Variants in FOCAD observed in about 807,000 individuals in gnomAD.
The protein encoded by FOCAD is KIAA1797.
FOCAD carries 198 observed loss-of-function variants against 225.6 expected under a neutral mutation model. That is an observed-to-expected ratio of 0.88 (90% CI 0.78 to 0.99). The LOEUF is 0.99. Ranked by LOEUF, FOCAD falls within the 50% of genes least tolerant of loss-of-function variation. The pLI is 0.00. For synonymous variants in FOCAD, 897 were observed against 755.0 expected (o/e 1.19, Z -3.08); for missense variants, 2,713 against 2,123.6 (o/e 1.28, Z -5.46).
At chr9:20,966,456 C>G (rs1839262972) in intron 35 of FOCAD, among the ~76,000 whole-genome samples, 1 of 151,960 alleles carries the variant, frequency 6.6e-6, no homozygotes, top group Non-Finnish European at 1.5e-5. Context: ...GCAAATTCTG[C>G]CATTCTATAG....
Position 20,948,401 on chromosome 9 carries a change from T to C in FOCAD, c.3798+8T>C. On this transcript the variant is annotated splice_region_variant and intron_variant, in intron 31 of 43. Transcript: ENST00000338382. ...AGAATTGTTCTAACAGAGGTAGAGG[T>C]CACCTGTTGTATGCTATTTCATATT... The C allele has an allele frequency of 6.2e-7, 1 of 1,607,892 alleles. No individual in the cohort carries two copies.
At chr9:20,785,947 C>A (rs1223875057) in intron 10 of FOCAD, among the ~76,000 whole-genome samples, 1 of 152,088 alleles carries the variant, frequency 6.6e-6, no homozygotes, top group African/African-American at 2.4e-5. Context: ...ATGGTTACAT[C>A]CTAGTAGGTG....
Position 20,993,262 on chromosome 9 carries a change from T to G in FOCAD, c.5266T>G (p.Trp1756Gly). The change falls in exon 43 of 44, where the codon TGG (tryptophan) becomes GGG (glycine). Residue 1756 changes from tryptophan (W) to glycine (G), a missense_variant. Coordinates refer to ENST00000338382, the MANE Select transcript of FOCAD (RefSeq NM_001375567.1). ...WKEQTQKFID[W>G]LFSIMESPKE... is the part of the protein sequence containing the mutation. ...TTCATTTTTACCCTAGTTCATTGAC[T>G]GGCTATTCAGCATCATGGAAAGCCC... 6.2e-7 allele frequency: 1 copy of G among 1,613,720 alleles called. No homozygotes were observed. The highest frequency in any genetic ancestry group is 8.5e-7 in the Non-Finnish European group (1 of 1,179,640).
intron 15 of FOCAD, among the ~76,000 whole-genome samples, chr9:20,852,561 C>G (rs1827772525): frequency 6.6e-6 from 1 of 151,746 alleles, no homozygotes; most frequent in Admixed American, 6.6e-5. Flanking sequence ...CTTAGAAATG[C>G]ATTCGTGGAA....
chr9:20,768,073 T>G (rs968303363), intron 7 of FOCAD, among the ~76,000 whole-genome samples: 21 of 150,396 alleles, frequency 1.4e-4, no homozygotes, highest in Admixed American at 4.0e-4. Context: ...CACCATTTAT[T>G]AAATAGGGAA....
chr9:20,981,384 G>C (rs1446249780), intron 37 of FOCAD, 42 bp from the exon 38 acceptor site: 1 of 1,601,036 alleles, frequency 6.2e-7, no homozygotes, highest in Non-Finnish European at 8.5e-7. Context: ...TGCAAACCCA[G>C]ACTTGCCTAT....
At chr9:20,739,555 A>T (rs1827432883) in intron 4 of FOCAD, among the ~76,000 whole-genome samples, 2 of 152,040 alleles carry the variant, frequency 1.3e-5, no homozygotes, top group Non-Finnish European at 1.5e-5. Context: ...GTGAGCCGAG[A>T]TCGTGCCATT....
At chr9:20,906,145 G>T (rs944974815) in intron 21 of FOCAD, among the ~76,000 whole-genome samples, 1 of 151,810 alleles carries the variant, frequency 6.6e-6, no homozygotes, top group African/African-American at 2.4e-5. Flanking sequence ...CTAAGACTGG[G>T]ATTAAAGAAC....
At chr9:20,949,106 CTA>C (rs1040935749) in intron 32 of FOCAD, among the ~76,000 whole-genome samples, 178 bp downstream of exon 32, 23 of 152,088 alleles carry the variant, frequency 1.5e-4, no homozygotes, top group African/African-American at 4.6e-4. Context: ...AGGATTATTT[CTA>C]TAGAGGTTTG....
At chr9:20,686,479 C>G in intron 1 of FOCAD, among the ~76,000 whole-genome samples, 1 of 152,126 alleles carries the variant, frequency 6.6e-6, no homozygotes, top group East Asian at 1.9e-4. Flanking sequence ...AATTCAAGAG[C>G]TGAGGACATT....
intron 21 of FOCAD, 133 bp from the exon 22 acceptor site, chr9:20,907,017 G>T: frequency 1.5e-6 from 1 of 649,420 alleles, no homozygotes; most frequent in Non-Finnish European, 2.7e-6. Flanking sequence ...TTGTGGTTCT[G>T]ATCCTAGACT....
At chr9:20,791,696 T>C (rs6475474) in intron 11 of FOCAD, among the ~76,000 whole-genome samples, 58,975 of 151,896 alleles carry the variant, frequency 0.39, 11,723 homozygotes, top group East Asian at 0.5. Flanking sequence ...TGTGTTTACA[T>C]TGGACTAACC....
intron 1 of FOCAD, among the ~76,000 whole-genome samples, chr9:20,706,529 A>C (rs374590246): frequency 6.6e-6 from 1 of 152,314 alleles, no homozygotes; most frequent in African/African-American, 2.4e-5. Context: ...GGAATTGTGC[A>C]GGTCATGCCT....
chr9:20,815,137 G>GTTTTTTTTTTTTTTTTTTTTTTTTT (rs71334555), intron 11 of FOCAD, among the ~76,000 whole-genome samples: 13 of 69,146 alleles, frequency 1.9e-4, no homozygotes, highest in African/African-American at 2.4e-4. Flanking sequence ...TTTTTTTTTT[G>GTTTTTTTTTTTTTTTTTTTTTTTTT]TTTTTTTTTT....
chr9:20,750,275 G>A lies in FOCAD; in HGVS notation c.393-7815G>A, dbSNP rs569873960. On this transcript the variant is annotated intron_variant, in intron 5 of 43. Coordinates refer to ENST00000338382, the MANE Select transcript of FOCAD (RefSeq NM_001375567.1). Reference sequence around the variant, plus strand: ...TACGTTTATTGTAGATAGGCATTTGGCACTGAAAGGGAAACAAAAAGATTA... The same window carrying A: ...TACGTTTATTGTAGATAGGCATTTGACACTGAAAGGGAAACAAAAAGATTA... Among the ~76,000 whole-genome samples the A allele has an allele frequency of 1.4e-3, 213 of 152,224 alleles. 1 individual carries two copies. Among genetic ancestry groups the A allele is most frequent in the African/African-American group, 4.9e-3 (202 of 41,544 alleles).
Position 20,770,060 on chromosome 9 carries a change from C to G in FOCAD, c.728C>G (p.Ala243Gly). 11 of 1,613,876 alleles carry G rather than the reference C, an allele frequency of 6.8e-6. No homozygotes were observed. The highest frequency in any genetic ancestry group is 7.6e-6 in the Non-Finnish European group (9 of 1,179,906). ...QVKDLIQTTE[A>G]MMFIEEVCLS... The stretch of plus-strand genomic sequence containing the variant: ...AAAGATTTGATACAGACAACAGAGG[C>G]GATGATGTTTATTGAGGAAGTATGT... Residue 243 changes from alanine to glycine, a missense_variant, in exon 8 of 44, where the codon GCG (alanine) becomes GGG (glycine). Physicochemically the swap from Ala to Gly is moderately conservative, Grantham distance 60. Coordinates refer to ENST00000338382, the MANE Select transcript of FOCAD (RefSeq NM_001375567.1).
chr9:20,887,470 G>A (rs1831198103), intron 21 of FOCAD, among the ~76,000 whole-genome samples: 1 of 151,992 alleles, frequency 6.6e-6, no homozygotes, highest in Non-Finnish European at 1.5e-5. Context: ...CCTGACCTCA[G>A]GTGATCCACT....
intron 15 of FOCAD, among the ~76,000 whole-genome samples, chr9:20,859,124 C>A (rs762217814): frequency 1.3e-5 from 2 of 152,086 alleles, no homozygotes; most frequent in African/African-American, 4.8e-5. Flanking sequence ...CCTGTAATCC[C>A]AGCACTTCGG....
intron 24 of FOCAD, among the ~76,000 whole-genome samples, chr9:20,919,771 GA>G (rs555198146): frequency 0.013 from 1,923 of 152,238 alleles, 35 homozygotes; most frequent in African/African-American, 0.044. Flanking sequence ...GTAGAAAGCT[GA>G]AACTGGATCC....
Sources: gnomAD v4.1 joint callset for allele counts (sites outside exome capture counted in the v4.1 genomes callset) on GRCh38, gnomAD v4.1.1 for gene constraint, MANE v1.5 for transcripts, NCBI Gene and HGNC (gene_info 2026-07-23, HGNC 2026-07-21) for gene names.